Variants in FAM199X observed in about 807,000 individuals in gnomAD.
FAM199X encodes the protein protein FAM199X.
In FAM199X, 4 loss-of-function variants were observed where a neutral mutation model predicts 22.9. The ratio of observed to expected loss-of-function variants is 0.17; its 90% CI spans 0.09 to 0.40. The LOEUF is 0.40. Ranked by LOEUF, FAM199X falls within the 10% of genes least tolerant of loss-of-function variation. The pLI is 1.00. For missense variants in FAM199X, 183 were observed against 306.8 expected (o/e 0.60, Z 3.01); for synonymous variants, 101 against 112.3 (o/e 0.90, Z 0.64).
chrX:104,167,088 G>A, intron 1 of FAM199X, 106 bp downstream of exon 1: 1 of 685,987 alleles, frequency 1.5e-6, no homozygotes, highest in Non-Finnish European at 2.0e-6. Context: ...TCCCCCACCT[G>A]CTTTCGACCA....
At chrX:104,177,790 T>C (rs1374417545) in intron 2 of FAM199X, among the ~76,000 whole-genome samples, 2 of 112,381 alleles carry the variant, frequency 1.8e-5, no homozygotes, top group African/African-American at 6.5e-5. Context: ...TTTTACTTTT[T>C]ATGGTTGCGT....
At chrX:104,161,575 C>T (rs1267124966), upstream of FAM199X, among the ~76,000 whole-genome samples, 3 of 111,674 alleles carry the variant, frequency 2.7e-5, no homozygotes, top group East Asian at 5.5e-4. Context: ...AGAGGCTGGG[C>T]GTGGTGGCTC....
upstream of FAM199X, among the ~76,000 whole-genome samples, chrX:104,164,743 C>T (rs1428650611): frequency 5.4e-5 from 6 of 110,408 alleles, no homozygotes; most frequent in East Asian, 1.7e-3. Context: ...AGCCAGGTGT[C>T]GTGGCACATG....
chrX:104,166,537 G>C lies in FAM199X; in HGVS notation c.-249G>C. 1 of 244,148 alleles carries C rather than the reference G, an allele frequency of 4.1e-6. No homozygotes were observed. Among genetic ancestry groups the C allele is most frequent in the South Asian group, 2.0e-4 (1 of 5,014 alleles). The allele number at this position is 244,148 out of a possible 1,213,427, so 20.1% of individuals were successfully genotyped here. ...GCGCTGACGGGCTGAGTCTGGCGGC[G>C]GCGGAAGCTGCAGAGGCCACCGGGG... On this transcript the variant is annotated 5_prime_UTR_variant, in exon 1 of 6. Coordinates refer to ENST00000493442, the MANE Select transcript of FAM199X (RefSeq NM_207318.4).
chrX:104,191,852 T>C lies in FAM199X; in HGVS notation c.*2074T>C, dbSNP rs897758529. ...CTCTCCCAATAATCACATAGTCTTA[T>C]TACTTTCAATTTAACTTGAGTCACT... On this transcript the variant is annotated 3_prime_UTR_variant, in exon 6 of 6. Transcript: ENST00000493442. 1.8e-5 allele frequency: 2 copies of C among 111,920 alleles called. No individual in the cohort carries two copies. Among genetic ancestry groups the C allele is most frequent in the Non-Finnish European group, 3.8e-5 (2 of 53,104 alleles). 9.2% of individuals were successfully genotyped at this position (111,920 alleles called of 1,213,427 possible). A position where few individuals can be genotyped will look rare whatever the true frequency, so the allele number is the denominator to read the frequency against.
rs1556373929 is a variant in FAM199X, at chrX:104,166,525, G to C, written c.-261G>C. On this transcript the variant is annotated 5_prime_UTR_variant, in exon 1 of 6. Coordinates refer to ENST00000493442, the MANE Select transcript of FAM199X (RefSeq NM_207318.4). ...GGCGGCGGCGCTGCGCTGACGGGCT[G>C]AGTCTGGCGGCGGCGGAAGCTGCAG... 1 of 224,939 alleles carries C rather than the reference G, an allele frequency of 4.4e-6. No homozygotes were observed. The highest frequency in any genetic ancestry group is 2.9e-5 in the African/African-American group (1 of 34,481). The allele number at this position is 224,939 out of a possible 1,213,427, so 18.5% of individuals were successfully genotyped here.
At chrX:104,182,832 T>G (rs1393639450) in intron 2 of FAM199X, among the ~76,000 whole-genome samples, 2 of 111,580 alleles carry the variant, frequency 1.8e-5, no homozygotes, top group East Asian at 5.6e-4. Flanking sequence ...TTATTGAGTG[T>G]TGCCTGTGTG....
chrX:104,166,899 G>T lies in FAM199X; in HGVS notation c.114G>T (p.Pro38=). 1 of 1,202,818 alleles carries T rather than the reference G, an allele frequency of 8.3e-7. No individual in the cohort carries two copies. Among genetic ancestry groups the T allele is most frequent in the Non-Finnish European group, 1.1e-6 (1 of 890,743 alleles). ...TGGGCACCTGCCCGAGCGAGGAGCCGGGCTGCCTGGACATCAGCGACTTCG... is the reference window on the plus strand; with the variant it reads ...TGGGCACCTGCCCGAGCGAGGAGCCTGGCTGCCTGGACATCAGCGACTTCG... ...RGVGTCPSEE[P]GCLDISDFGC... is the part of the protein sequence containing the mutation. The change falls in exon 1 of 6, where the codon CCG becomes CCT. Residue 38 remains proline, a synonymous_variant. Transcript: ENST00000493442.
intron 1 of FAM199X, among the ~76,000 whole-genome samples, chrX:104,167,822 G>A (rs1018585060): frequency 2.7e-5 from 3 of 109,267 alleles, no homozygotes; most frequent in African/African-American, 1.0e-4. Flanking sequence ...ATCTTGGGGG[G>A]TGGGTTGAAG....
chrX:104,166,651 G>A lies in FAM199X; in HGVS notation c.-135G>A. On this transcript the variant is annotated 5_prime_UTR_variant, in exon 1 of 6. Coordinates refer to ENST00000493442, the MANE Select transcript of FAM199X (RefSeq NM_207318.4). ...CCGGCAAGCAGCAGCGGGCCGCGAC[G>A]CCCAGCCTGCCAGTGAGCTGCGACG... 7.3e-6 allele frequency: 4 copies of A among 546,762 alleles called. No individual in the cohort carries two copies. The South Asian group carries it at 1.6e-4, about 23-fold the overall frequency. 45.1% of individuals were successfully genotyped at this position (546,762 alleles called of 1,213,427 possible).
At chrX:104,163,273 C>T (rs145601071), upstream of FAM199X, among the ~76,000 whole-genome samples, 190 of 112,321 alleles carry the variant, frequency 1.7e-3, no homozygotes, top group African/African-American at 5.9e-3. Context: ...CACTCAGTCT[C>T]TCCTGCAGCC....
At chrX:104,170,104 C>T (rs1018250936) in intron 1 of FAM199X, among the ~76,000 whole-genome samples, 5 of 112,250 alleles carry the variant, frequency 4.5e-5, no homozygotes, top group Non-Finnish European at 9.4e-5. Flanking sequence ...AAGACATTTT[C>T]TTTGGTTTTG....
upstream of FAM199X, among the ~76,000 whole-genome samples, chrX:104,163,502 G>A (rs995222064): frequency 2.7e-5 from 3 of 111,555 alleles, no homozygotes; most frequent in Non-Finnish European, 5.6e-5. Flanking sequence ...AAACCAAATC[G>A]AAGTGAGACA....
chrX:104,169,053 A>G (rs1197777517), intron 1 of FAM199X, among the ~76,000 whole-genome samples: 1 of 109,943 alleles, frequency 9.1e-6, no homozygotes, highest in African/African-American at 3.4e-5. Flanking sequence ...TTTTAAATGT[A>G]TTATCCTTCT....
At chrX:104,181,864 A>T (rs1921662210) in intron 2 of FAM199X, among the ~76,000 whole-genome samples, 1 of 110,001 alleles carries the variant, frequency 9.1e-6, no homozygotes, top group Admixed American at 9.6e-5. Flanking sequence ...TAAGTGTATC[A>T]CTCTGAGTGG....
At chrX:104,189,535 G>A (rs1921886530) in intron 5 of FAM199X, 73 bp from the exon 6 acceptor site, 2 of 1,015,437 alleles carry the variant, frequency 2.0e-6, no homozygotes, top group South Asian at 3.9e-5. Flanking sequence ...TAGAGAATTT[G>A]ATCCACAAAA....
chrX:104,176,105 G>A (rs1234008026), intron 2 of FAM199X, among the ~76,000 whole-genome samples: 1 of 109,822 alleles, frequency 9.1e-6, no homozygotes, highest in East Asian at 2.8e-4. Context: ...ATATATTATC[G>A]GTACCTTTCT....
chrX:104,174,063 T>C (rs1370468260), intron 1 of FAM199X, among the ~76,000 whole-genome samples: 1 of 111,288 alleles, frequency 9.0e-6, no homozygotes, highest in Non-Finnish European at 1.9e-5. Context: ...TGGCTTGAGC[T>C]CAGGAGTTTG....
intron 2 of FAM199X, among the ~76,000 whole-genome samples, chrX:104,184,411 A>G (rs931520286): frequency 2.0e-4 from 22 of 112,172 alleles, no homozygotes; most frequent in African/African-American, 6.5e-4. Flanking sequence ...AGTATATTTG[A>G]AAATTGTCAT....
Sources: allele counts gnomAD v4.1 joint callset (sites outside exome capture counted in the v4.1 genomes callset), GRCh38; gene constraint gnomAD v4.1.1; transcripts MANE v1.5; gene names NCBI Gene and HGNC (gene_info 2026-07-23, HGNC 2026-07-21).